Variants in BFAR observed in about 807,000 individuals in gnomAD.
BFAR encodes bifunctional apoptosis regulator.
In BFAR, 52 loss-of-function variants were observed where a neutral mutation model predicts 54.4. The observed-to-expected ratio is 0.96, with a 90% CI of 0.77 to 1.21. BFAR has a LOEUF of 1.21. Ranked by LOEUF, BFAR falls within the 50% of genes most tolerant of loss-of-function variation. The pLI is 0.00. For missense variants in BFAR, 571 were observed against 534.0 expected (o/e 1.07, Z -0.68); for synonymous variants, 215 against 204.3 (o/e 1.05, Z -0.45).
chr16:14,649,558 G>A (rs921660572), intron 3 of BFAR, among the ~76,000 whole-genome samples: 7 of 152,192 alleles, frequency 4.6e-5, no homozygotes, highest in African/African-American at 1.7e-4. Flanking sequence ...CCTGAGATAA[G>A]TCCTTTTCTC....
chr16:14,660,119 C>G (rs576818695), intron 5 of BFAR, among the ~76,000 whole-genome samples: 8 of 152,262 alleles, frequency 5.3e-5, no homozygotes, highest in Non-Finnish European at 7.4e-5. Context: ...TTAAGCCTTC[C>G]CTCCCAGCCC....
chr16:14,646,567 C>T (rs964618855), intron 2 of BFAR, among the ~76,000 whole-genome samples: 3 of 151,598 alleles, frequency 2.0e-5, no homozygotes, highest in Non-Finnish European at 4.4e-5. Flanking sequence ...GGCAAAATCT[C>T]GGCTCACTGC....
Position 14,636,491 on chromosome 16 carries a change from G to A in BFAR, c.-74+3473G>A, listed in dbSNP as rs190042706. On this transcript the variant is annotated intron_variant, in intron 1 of 7. Coordinates refer to ENST00000261658, the MANE Select transcript of BFAR (RefSeq NM_016561.3). ...TAAACATCTCAATGCCTTACAGAGC[G>A]GTATTGTTGCCTGCATGTCCCACCT... Among the ~76,000 whole-genome samples, 22 of 152,326 alleles carry A rather than the reference G, an allele frequency of 1.4e-4. No individual in the cohort carries two copies. In the East Asian group the frequency reaches 4.1e-3, roughly 28 times the overall value.
rs1018298409 is a variant in BFAR at position 14,668,896 on chromosome 16, A to G, written c.*1069A>G. The G allele has an allele frequency of 1.7e-5, 3 of 176,170 alleles. No individual in the cohort carries two copies. The highest frequency in any genetic ancestry group is 7.2e-5 in the African/African-American group (3 of 41,786). 10.9% of individuals were successfully genotyped at this position (176,170 alleles called of 1,614,324 possible). A position where few individuals can be genotyped will look rare whatever the true frequency, so the allele number is the denominator to read the frequency against. On this transcript the variant is annotated 3_prime_UTR_variant, in exon 8 of 8. Transcript: ENST00000261658. ...CGGGATAGTCGTTTTGTTCAAGGAAATGTTTTGTAAATTGAGCTCACACTA... is the reference window on the plus strand; with the variant it reads ...CGGGATAGTCGTTTTGTTCAAGGAAGTGTTTTGTAAATTGAGCTCACACTA...
intron 1 of BFAR, among the ~76,000 whole-genome samples, chr16:14,637,429 G>C (rs1342684138): frequency 6.6e-6 from 1 of 152,066 alleles, no homozygotes; most frequent in African/African-American, 2.4e-5. Flanking sequence ...TTAAAACATG[G>C]CTCTGCCCTT....
Position 14,648,570 on chromosome 16 carries a change from T to C in BFAR, c.446T>C (p.Leu149Pro). 1 of 1,613,852 alleles carries C rather than the reference T, an allele frequency of 6.2e-7. No homozygotes were observed. Residue 149 changes from leucine to proline, a missense_variant, in exon 3 of 8, where the codon CTC becomes CCC. By Grantham distance (98) the Leu-to-Pro change is moderately conservative. Coordinates refer to ENST00000261658, the MANE Select transcript of BFAR (RefSeq NM_016561.3). ...QMGGGFFSGVLTALTGVAVVL... is the reference protein window; with the variant it reads ...QMGGGFFSGVPTALTGVAVVL... Reference sequence around the variant, plus strand: ...GGAGGGGGATTCTTTTCCGGTGTGCTCACAGCTTTAACTGGAGTGGCAGTA... The same window carrying C: ...GGAGGGGGATTCTTTTCCGGTGTGCCCACAGCTTTAACTGGAGTGGCAGTA...
At chr16:14,638,958 AAAAAG>A (rs956551372) in intron 1 of BFAR, among the ~76,000 whole-genome samples, 1 of 152,172 alleles carries the variant, frequency 6.6e-6, no homozygotes, top group Non-Finnish European at 1.5e-5. Flanking sequence ...AGAAAAAAAA[AAAAAG>A]AAAAATTCTT....
rs1960086170 is a variant in BFAR at position 14,655,091 on chromosome 16, GAA to G, written c.665_666del (p.Glu222ValfsTer39). The G allele has an allele frequency of 1.8e-5, 29 of 1,609,640 alleles. No homozygotes were observed. Among genetic ancestry groups the G allele is most frequent in the Non-Finnish European group, 2.4e-5 (28 of 1,178,582 alleles). On this transcript the variant is annotated frameshift_variant, in exon 5 of 8. Transcript: ENST00000261658. LOFTEE classifies it high-confidence loss of function. The part of the protein sequence containing the change: ...GRLLLTLTEE[E>X]FSKTPYTIEN... Reference sequence around the variant, plus strand: ...GTTGCTTTTAACTTTGACAGAGGAAGAATTTTCCAAGACGCCCTATACCATAG... The same window carrying G: ...GTTGCTTTTAACTTTGACAGAGGAAGTTTTCCAAGACGCCCTATACCATAG...
At position 14,659,225 on chromosome 16, in the gene BFAR, G is replaced by GTTTTT. The variant is rs1295639386; in HGVS notation, c.784-2663_784-2659dup. On this transcript the variant is annotated intron_variant, in intron 5 of 7. Transcript: ENST00000261658. Reference sequence around the variant, plus strand: ...TGCCCAGCCTGTAGTATGCAATTTGGTTTTTTTTGTTTTTTTTTGTTTTTT... The same window carrying GTTTTT: ...TGCCCAGCCTGTAGTATGCAATTTGGTTTTTTTTTTTTTGTTTTTTTTTGTTTTTT... 4.5e-3 allele frequency among the ~76,000 whole-genome samples: 635 copies of GTTTTT among 141,284 alleles called. 11 individuals carry two copies. Among genetic ancestry groups the GTTTTT allele is most frequent in the Non-Finnish European group, 7.6e-3 (489 of 64,208 alleles). The allele number at this position is 141,284 out of a possible 152,430, so 92.7% of individuals were successfully genotyped here. A position where few individuals can be genotyped will look rare whatever the true frequency, so the allele number is the denominator to read the frequency against.
intron 1 of BFAR, among the ~76,000 whole-genome samples, chr16:14,634,759 TA>T (rs1341724654): frequency 6.6e-6 from 1 of 152,222 alleles, no homozygotes; most frequent in Non-Finnish European, 1.5e-5. Flanking sequence ...TTAGGAAGAA[TA>T]AATCGTGACG....
At chr16:14,652,112 A>G (rs939742862) in intron 4 of BFAR, among the ~76,000 whole-genome samples, 6 of 150,328 alleles carry the variant, frequency 4.0e-5, no homozygotes, top group African/African-American at 9.8e-5. Context: ...GTGTTGAACT[A>G]CTGACCTCAG....
intron 1 of BFAR, chr16:14,643,971 C>A: frequency 5.1e-6 from 1 of 195,730 alleles, no homozygotes; most frequent in Non-Finnish European, 1.0e-5. Context: ...ACCATCTTGG[C>A]TAACACGGTG....
At chr16:14,641,310 G>C (rs1959619154) in intron 1 of BFAR, among the ~76,000 whole-genome samples, 1 of 152,176 alleles carries the variant, frequency 6.6e-6, no homozygotes, top group South Asian at 2.1e-4. Context: ...GAGTAGCTGA[G>C]AGCTGCTTCT....
intron 1 of BFAR, among the ~76,000 whole-genome samples, chr16:14,642,188 A>C (rs1959650041): frequency 6.6e-6 from 1 of 152,168 alleles, no homozygotes; most frequent in African/African-American, 2.4e-5. Context: ...TTTCCTTCAC[A>C]ATAGCAAGAT....
At position 14,644,590 on chromosome 16, in the gene BFAR, A is replaced by T; in HGVS notation, c.244A>T (p.Lys82Ter). 1 of 1,613,768 alleles carries T rather than the reference A, an allele frequency of 6.2e-7. No homozygotes were observed. The highest frequency in any genetic ancestry group is 8.5e-7 in the Non-Finnish European group (1 of 1,179,996). Reference sequence around the variant, plus strand: ...CAGAGAAAAATGGGAAGGTTTCCCCAAAGTCAGTATTCTCCTCAGGTAATG... The same window carrying T: ...CAGAGAAAAATGGGAAGGTTTCCCCTAAGTCAGTATTCTCCTCAGGTAATG... ...ECREKWEGFPKVSILLRDAIE... is the reference protein window; with the variant it reads ...ECREKWEGFP Residue 82 changes from lysine to a stop codon, truncating the protein, a stop_gained, in exon 2 of 8, where the codon AAA becomes TAA. Coordinates refer to ENST00000261658, the MANE Select transcript of BFAR (RefSeq NM_016561.3). LOFTEE classifies it high-confidence loss of function.
At chr16:14,655,371 G>C (rs954397764) in intron 5 of BFAR, among the ~76,000 whole-genome samples, 161 bp downstream of exon 5, 1 of 150,960 alleles carries the variant, frequency 6.6e-6, no homozygotes, top group African/African-American at 2.4e-5. Context: ...GCCCAGGCTG[G>C]AGTGCAATGG....
chr16:14,637,830 G>GAA (rs771750716), intron 1 of BFAR, among the ~76,000 whole-genome samples: 3 of 134,516 alleles, frequency 2.2e-5, no homozygotes, highest in East Asian at 2.1e-4. Flanking sequence ...CTCCATCTCA[G>GAA]AAAAAAAAAA....
rs1476383813 is a variant in BFAR at position 14,668,374 on chromosome 16, T to G, written c.*547T>G. 6.5e-6 allele frequency: 1 copy of G among 153,342 alleles called. No individual in the cohort carries two copies. The highest frequency in any genetic ancestry group is 2.4e-5 in the African/African-American group (1 of 41,468). 9.5% of individuals were successfully genotyped at this position (153,342 alleles called of 1,614,324 possible). A position where few individuals can be genotyped will look rare whatever the true frequency, so the allele number is the denominator to read the frequency against. On this transcript the variant is annotated 3_prime_UTR_variant, in exon 8 of 8. Coordinates refer to ENST00000261658, the MANE Select transcript of BFAR (RefSeq NM_016561.3). Reference sequence around the variant, plus strand: ...CAACAATTCTGTCTTATTGAAGAGTTGCTAGGATTCAGAGTAAAACTCAAA... The same window carrying G: ...CAACAATTCTGTCTTATTGAAGAGTGGCTAGGATTCAGAGTAAAACTCAAA...
At chr16:14,648,322 T>C in intron 2 of BFAR, 66 bp from the exon 3 acceptor site, 1 of 1,303,234 alleles carries the variant, frequency 7.7e-7, no homozygotes, top group African/African-American at 1.5e-5. Context: ...ATCAGGGCTT[T>C]TTTGGCCTCT....
Sources: gnomAD v4.1 joint callset for allele counts (sites outside exome capture counted in the v4.1 genomes callset) on GRCh38, gnomAD v4.1.1 for gene constraint, MANE v1.5 for transcripts, NCBI Gene and HGNC (gene_info 2026-07-23, HGNC 2026-07-21) for gene names.